Variants in CYFIP2 observed in about 807,000 individuals in gnomAD.
CYFIP2 encodes the protein cytoplasmic FMR1-interacting protein 2.
CYFIP2 carries 29 observed loss-of-function variants against 158.7 expected under a neutral mutation model. That is an observed-to-expected ratio of 0.18 (90% CI 0.14 to 0.25). The LOEUF (loss-of-function observed/expected upper bound fraction) is 0.25. Ranked by LOEUF, CYFIP2 falls within the 10% of genes least tolerant of loss-of-function variation. CYFIP2 has a pLI of 1.00. For synonymous variants in CYFIP2, 585 were observed against 617.6 expected, an observed-to-expected ratio of 0.95 and a Z score of 0.78; for missense variants, 852 against 1,639.5, an observed-to-expected ratio of 0.52 and a Z score of 8.29.
chr5:157,377,618 C>A (rs1765613359), intron 26 of CYFIP2, among the ~76,000 whole-genome samples: 1 of 152,186 alleles, frequency 6.6e-6, no homozygotes, highest in South Asian at 2.1e-4. Flanking sequence ...ACTCCAGCAC[C>A]TTGCAGAAAG....
At chr5:157,282,979 A>G (rs1757107059) in intron 1 of CYFIP2, among the ~76,000 whole-genome samples, 1 of 152,240 alleles carries the variant, frequency 6.6e-6, no homozygotes, top group African/African-American at 2.4e-5. Flanking sequence ...ATTAACACAG[A>G]GTGTTTGAAA....
intron 18 of CYFIP2, 57 bp from the exon 19 acceptor site, chr5:157,327,916 G>A (rs1366114463): frequency 6.4e-7 from 1 of 1,563,126 alleles, no homozygotes; most frequent in Admixed American, 1.7e-5. Flanking sequence ...AGTTGGCTCA[G>A]TTTCTGTCAT....
intron 8 of CYFIP2, among the ~76,000 whole-genome samples, chr5:157,305,754 A>G (rs879909062): frequency 8.5e-5 from 13 of 152,194 alleles, no homozygotes; most frequent in South Asian, 6.2e-4. Context: ...GGCTCAAGCA[A>G]TCTGCCCGCC....
intron 26 of CYFIP2, among the ~76,000 whole-genome samples, chr5:157,381,502 T>C (rs989430424): frequency 4.1e-5 from 5 of 121,610 alleles, no homozygotes; most frequent in South Asian, 2.8e-4. Context: ...CACTCCAGCC[T>C]GGGCAACAGA....
At chr5:157,382,697 G>A in intron 27 of CYFIP2, 35 bp downstream of exon 27, 1 of 1,602,442 alleles carries the variant, frequency 6.2e-7, no homozygotes, top group Non-Finnish European at 8.5e-7. Flanking sequence ...ATAGCCAACT[G>A]GCGTTTGAAC....
chr5:157,391,618 C>G (rs1767296786), intron 30 of CYFIP2, among the ~76,000 whole-genome samples: 2 of 152,244 alleles, frequency 1.3e-5, no homozygotes, highest in Non-Finnish European at 2.9e-5. Flanking sequence ...AACTTCCATC[C>G]TTTTTATGGC....
chr5:157,354,155 C>T (rs573104785), intron 23 of CYFIP2, among the ~76,000 whole-genome samples: 7 of 152,132 alleles, frequency 4.6e-5, no homozygotes, highest in African/African-American at 7.2e-5. Flanking sequence ...TGCAGGTCTG[C>T]GTCACACAGT....
chr5:157,301,366 G>A (rs553618528), intron 6 of CYFIP2, among the ~76,000 whole-genome samples: 2 of 152,246 alleles, frequency 1.3e-5, no homozygotes, highest in African/African-American at 4.8e-5. Flanking sequence ...CAGCTCTCAG[G>A]TCAACCTCCT....
chr5:157,268,478 C>T (rs1474427047), intron 1 of CYFIP2, among the ~76,000 whole-genome samples: 1 of 152,218 alleles, frequency 6.6e-6, no homozygotes, highest in Non-Finnish European at 1.5e-5. Flanking sequence ...GCCTCTGCTG[C>T]TGTCATCAAC....
intron 13 of CYFIP2, among the ~76,000 whole-genome samples, chr5:157,316,325 AAAT>A (rs1760144350): frequency 6.6e-6 from 1 of 152,218 alleles, no homozygotes; most frequent in African/African-American, 2.4e-5. Flanking sequence ...AACATATAAA[AAAT>A]AAAAATCCAA....
chr5:157,311,201 G>C lies in CYFIP2; in HGVS notation c.993-463G>C. On this transcript the variant is annotated intron_variant, in intron 10 of 30. Coordinates refer to ENST00000620254, the MANE Select transcript of CYFIP2 (RefSeq NM_001037333.3). This position sits in a 1 kb window ranked among gnomAD's most constrained non-coding sequence, Gnocchi z 4.7. ...ATGTTGCCAGGGCACTGTTGGAAAA[G>C]AGGCACAGTCACATTCATATTTCCG... 1 of 419,410 alleles carries C rather than the reference G, an allele frequency of 2.4e-6. No individual in the cohort carries two copies. Among genetic ancestry groups the C allele is most frequent in the Non-Finnish European group, 4.8e-6 (1 of 210,214 alleles). 26.0% of individuals were successfully genotyped at this position (419,410 alleles called of 1,614,324 possible).
Position 157,296,700 on chromosome 5 carries a change from G to A in CYFIP2, c.313G>A (p.Val105Ile), listed in dbSNP as rs1758283492. The A allele has an allele frequency of 6.2e-7, 1 of 1,613,798 alleles. No homozygotes were observed. Among genetic ancestry groups the A allele is most frequent in the Non-Finnish European group, 8.5e-7 (1 of 1,179,744 alleles). The change falls in exon 5 of 31, where the codon GTA becomes ATA. Residue 105 changes from valine to isoleucine, a missense_variant. Val to Ile is a conservative substitution (Grantham distance 29). Transcript: ENST00000620254. ...GAAATGCAACGAGCAGCCCAACCGA[G>A]TAGAGATCTATGAGAAGACAGTAGA... ...QVKCNEQPNR[V>I]EIYEKTVEVL...
intron 1 of CYFIP2, among the ~76,000 whole-genome samples, chr5:157,267,325 C>A (rs762870983): frequency 6.6e-6 from 1 of 152,214 alleles, no homozygotes; most frequent in African/African-American, 2.4e-5. Context: ...AGGAGACTGT[C>A]GGTTCCTGTG....
chr5:157,378,069 T>C (rs1454635231), intron 26 of CYFIP2, among the ~76,000 whole-genome samples: 1 of 152,180 alleles, frequency 6.6e-6, no homozygotes, highest in African/African-American at 2.4e-5. Flanking sequence ...AATGGGGCTT[T>C]ATGGGATGGA....
intron 26 of CYFIP2, among the ~76,000 whole-genome samples, chr5:157,369,479 G>A (rs1167183116): frequency 2.0e-5 from 3 of 152,154 alleles, no homozygotes; most frequent in African/African-American, 7.2e-5. Context: ...AATCAGGGGA[G>A]GGACATTTCA....
intron 1 of CYFIP2, chr5:157,269,484 C>T (rs1191416361): frequency 6.6e-6 from 1 of 152,092 alleles, no homozygotes; most frequent in Admixed American, 6.6e-5. Flanking sequence ...TGCTGTGTGC[C>T]CTTAAACCAG....
In CYFIP2 at chr5:157,328,020, C is replaced by G. The variant is rs577801159; in HGVS notation, c.2127C>G (p.Ile709Met). ...DQFVYKLADQ[I>M]FAYYKAMAGS... ...TTGTCTACAAGCTGGCAGACCAGAT[C>G]TTTGCTTACTACAAAGCCATGGCTG... The change falls in exon 19 of 31, where the codon ATC becomes ATG. Residue 709 changes from isoleucine to methionine, a missense_variant. Ile to Met is a conservative substitution (Grantham distance 10). Transcript: ENST00000620254. 24 of 1,613,958 alleles carry G rather than the reference C, an allele frequency of 1.5e-5. No individual in the cohort carries two copies. In the African/African-American group the frequency reaches 2.1e-4, roughly 14 times the overall value.
chr5:157,385,150 C>T (rs556345511), intron 28 of CYFIP2, among the ~76,000 whole-genome samples: 2 of 152,304 alleles, frequency 1.3e-5, no homozygotes, highest in African/African-American at 4.8e-5. Context: ...TGTCATCCTG[C>T]AGGCATCCCG....
intron 3 of CYFIP2, among the ~76,000 whole-genome samples, chr5:157,289,733 TC>T (rs1194418856): frequency 6.6e-6 from 1 of 152,204 alleles, no homozygotes; most frequent in Non-Finnish European, 1.5e-5. Flanking sequence ...CATTCTGAGG[TC>T]CTGTGGGGTT....
Sources: allele counts gnomAD v4.1 joint callset (sites outside exome capture counted in the v4.1 genomes callset), GRCh38; gene constraint gnomAD v4.1.1; non-coding constraint Gnocchi (gnomAD v3.1); transcripts MANE v1.5; gene names NCBI Gene and HGNC (gene_info 2026-07-23, HGNC 2026-07-21).